Variants in INPP4B observed in about 807,000 individuals in gnomAD.
INPP4B encodes the protein inositol polyphosphate 4-phosphatase type II.
A neutral mutation model predicts 122.5 loss-of-function variants in INPP4B; 55 were observed. That is an observed-to-expected ratio of 0.45 (90% CI 0.36 to 0.56). INPP4B has a LOEUF of 0.56. Among genes scored for constraint, INPP4B ranks in the 20% least tolerant of loss-of-function variants. The pLI, the probability that INPP4B is intolerant of heterozygous loss-of-function variation, is 0.00. For missense variants in INPP4B, 1,000 were observed against 1,097.7 expected, an observed-to-expected ratio of 0.91 and a Z score of 1.26; for synonymous variants, 403 against 388.7, an observed-to-expected ratio of 1.04 and a Z score of -0.43.
intron 17 of INPP4B, 28 bp from the exon 18 acceptor site, chr4:142,146,024 A>AT: frequency 6.3e-7 from 1 of 1,586,998 alleles, no homozygotes; most frequent in Non-Finnish European, 8.6e-7. Context: ...ATCACTACAT[A>AT]TTTTTGTCAC....
At chr4:142,500,518 T>A (rs1823228070) in intron 2 of INPP4B, among the ~76,000 whole-genome samples, 1 of 152,218 alleles carries the variant, frequency 6.6e-6, no homozygotes, top group South Asian at 2.1e-4. Context: ...CCCTTTGAAA[T>A]GTAAGCATCA....
intron 25 of INPP4B, among the ~76,000 whole-genome samples, chr4:142,079,125 ATAACT>A (rs1389941383): frequency 1.3e-5 from 2 of 151,996 alleles, no homozygotes; most frequent in African/African-American, 2.4e-5. Flanking sequence ...CAAGATGATG[ATAACT>A]TAAACTACAT....
intron 22 of INPP4B, among the ~76,000 whole-genome samples, chr4:142,110,772 T>A (rs910009667): frequency 5.3e-5 from 8 of 152,160 alleles, no homozygotes; most frequent in Non-Finnish European, 1.0e-4. Context: ...AGGACACTTC[T>A]TAAATAAAAT....
intron 2 of INPP4B, among the ~76,000 whole-genome samples, chr4:142,542,641 T>A (rs2150037988): frequency 6.6e-6 from 1 of 152,316 alleles, no homozygotes; most frequent in South Asian, 2.1e-4. Flanking sequence ...AGTTTTTCCT[T>A]CTTGGACTGC....
intron 2 of INPP4B, among the ~76,000 whole-genome samples, chr4:142,548,749 CTGTG>C (rs35765248): frequency 0.29 from 41,372 of 144,872 alleles, 6,478 homozygotes; most frequent in East Asian, 0.74. Context: ...ACAGATGTGT[CTGTG>C]TGTGTGTGTG....
At chr4:142,114,389 C>T (rs1791866904) in intron 21 of INPP4B, among the ~76,000 whole-genome samples, 2 of 152,028 alleles carry the variant, frequency 1.3e-5, no homozygotes, top group South Asian at 2.1e-4. Context: ...TTCAAAGTGA[C>T]AATTCCACCA....
At chr4:142,480,304 T>C (rs1047587058) in intron 2 of INPP4B, among the ~76,000 whole-genome samples, 5 of 152,158 alleles carry the variant, frequency 3.3e-5, no homozygotes, top group African/African-American at 1.2e-4. Flanking sequence ...TAGATCCAAT[T>C]TTTGCCTGAC....
chr4:142,301,333 T>G (rs1253000564), intron 9 of INPP4B, among the ~76,000 whole-genome samples: 1 of 152,014 alleles, frequency 6.6e-6, no homozygotes, highest in African/African-American at 2.4e-5. Flanking sequence ...TATAAAACAT[T>G]AGTAAAAATT....
chr4:142,289,716 C>A (rs776011033), intron 9 of INPP4B, among the ~76,000 whole-genome samples: 6 of 152,168 alleles, frequency 3.9e-5, no homozygotes, highest in Non-Finnish European at 7.3e-5. Flanking sequence ...TGATATCATT[C>A]CTTTTTATGG....
intron 2 of INPP4B, among the ~76,000 whole-genome samples, chr4:142,538,785 C>G (rs570293716): frequency 2.5e-3 from 383 of 151,884 alleles, no homozygotes; most frequent in Non-Finnish European, 3.9e-3. Flanking sequence ...ATATTTTTCC[C>G]AAAATTGTTT....
chr4:142,296,105 T>C (rs985123455), intron 9 of INPP4B, among the ~76,000 whole-genome samples: 1 of 152,212 alleles, frequency 6.6e-6, no homozygotes, highest in Non-Finnish European at 1.5e-5. Flanking sequence ...TTTCAGGCTT[T>C]TCTATACAAA....
intron 7 of INPP4B, among the ~76,000 whole-genome samples, chr4:142,373,591 G>A (rs1790716928): frequency 6.7e-6 from 1 of 150,322 alleles, no homozygotes; most frequent in Admixed American, 6.6e-5. Context: ...CTAGAAAATG[G>A]GAATGACACT....
intron 2 of INPP4B, among the ~76,000 whole-genome samples, chr4:142,643,777 G>C (rs1751093196): frequency 6.6e-6 from 1 of 152,256 alleles, no homozygotes; most frequent in Middle Eastern, 3.4e-3. Flanking sequence ...AATTTTAAAA[G>C]CTTAAAGAAA....
chr4:142,294,997 CA>C (rs1361647722), intron 9 of INPP4B, among the ~76,000 whole-genome samples: 1 of 151,664 alleles, frequency 6.6e-6, no homozygotes, highest in African/African-American at 2.4e-5. Flanking sequence ...AAGAAAAGAA[CA>C]TTACCAGATA....
intron 3 of INPP4B, 41 bp from the exon 4 acceptor site, chr4:142,431,426 T>G: frequency 3.3e-6 from 2 of 607,698 alleles, no homozygotes; most frequent in South Asian, 4.0e-5. Flanking sequence ...CATATTGGAG[T>G]TCAGTATAAA....
At chr4:142,830,258 G>T (rs1368737341) in intron 1 of INPP4B, among the ~76,000 whole-genome samples, 2 of 152,084 alleles carry the variant, frequency 1.3e-5, no homozygotes, top group African/African-American at 4.8e-5. Context: ...ACCAAAGCAA[G>T]AATTTTTCTA....
intron 2 of INPP4B, among the ~76,000 whole-genome samples, chr4:142,471,942 T>G (rs558996468): frequency 6.6e-6 from 1 of 152,318 alleles, no homozygotes; most frequent in East Asian, 1.9e-4. Flanking sequence ...GATATATTAA[T>G]ATGGAATAAA....
intron 7 of INPP4B, among the ~76,000 whole-genome samples, chr4:142,323,685 T>C (rs987350692): frequency 1.3e-5 from 2 of 151,918 alleles, no homozygotes; most frequent in Non-Finnish European, 2.9e-5. Context: ...GACCTTGTGA[T>C]CTGCCCGCCT....
At chr4:142,385,835 T>C (rs1795791786) in intron 7 of INPP4B, among the ~76,000 whole-genome samples, 1 of 152,198 alleles carries the variant, frequency 6.6e-6, no homozygotes, top group South Asian at 2.1e-4. Context: ...GATGTTTTGA[T>C]ATATGTTCAC....
Sources: gnomAD v4.1 joint callset for allele counts (sites outside exome capture counted in the v4.1 genomes callset) on GRCh38, gnomAD v4.1.1 for gene constraint, MANE v1.5 for transcripts, NCBI Gene and HGNC (gene_info 2026-07-23, HGNC 2026-07-21) for gene names.